Variants in CAPZB observed in about 807,000 individuals in gnomAD.
CAPZB encodes the protein capping actin protein of muscle Z-line subunit beta, also known as F-actin-capping protein subunit beta.
A neutral mutation model predicts 38.1 loss-of-function variants in CAPZB; 2 were observed. That is an observed-to-expected ratio of 0.05 (90% CI 0.02 to 0.17). The LOEUF (loss-of-function observed/expected upper bound fraction) is 0.17, where lower values mean the gene tolerates loss of function less well. Ranked by LOEUF, CAPZB falls within the 10% of genes least tolerant of loss-of-function variation. The pLI is 1.00. For missense variants in CAPZB, 161 were observed against 334.2 expected, an observed-to-expected ratio of 0.48 and a Z score of 4.04; for synonymous variants, 107 against 127.4, an observed-to-expected ratio of 0.84 and a Z score of 1.08.
chr1:19,360,016 C>T lies in CAPZB; in HGVS notation c.330-2453G>A, dbSNP rs1258264789. 4.6e-5 allele frequency among the ~76,000 whole-genome samples: 7 copies of T among 152,316 alleles called. No individual in the cohort carries two copies. In the South Asian group the frequency reaches 1.4e-3, roughly 32 times the overall value. ...CCTCCTGGTCTGGACCGGGCCCACA[C>T]AGAGTTGGAGAGATCAGGCCATTCT... On this transcript the variant is annotated intron_variant, in intron 4 of 8. Coordinates refer to ENST00000264202, the MANE Select transcript of CAPZB (RefSeq NM_004930.5).
At chr1:19,427,843 T>C (rs1024388703) in intron 1 of CAPZB, among the ~76,000 whole-genome samples, 1 of 152,224 alleles carries the variant, frequency 6.6e-6, no homozygotes, top group East Asian at 1.9e-4. Context: ...TCTTCAACCT[T>C]TTGGGGTCTG....
intron 7 of CAPZB, 123 bp from the exon 8 acceptor site, chr1:19,344,557 T>C (rs2093950410): frequency 3.9e-6 from 3 of 768,956 alleles, no homozygotes; most frequent in Admixed American, 3.9e-5. Context: ...ACGCCTGCTC[T>C]GGGGCATCAG....
At chr1:19,467,382 G>C (rs1332112811) in intron 1 of CAPZB, among the ~76,000 whole-genome samples, 1 of 152,160 alleles carries the variant, frequency 6.6e-6, no homozygotes, top group Non-Finnish European at 1.5e-5. Flanking sequence ...GAGAGGAACA[G>C]TCCCCTCCAG....
chr1:19,346,046 G>A (rs906211291), intron 6 of CAPZB, among the ~76,000 whole-genome samples: 1 of 152,092 alleles, frequency 6.6e-6, no homozygotes, highest in Non-Finnish European at 1.5e-5. Flanking sequence ...GAAGGAATTC[G>A]GCACTTTCCC....
intron 1 of CAPZB, among the ~76,000 whole-genome samples, chr1:19,428,160 T>C (rs1261781382): frequency 1.3e-5 from 2 of 152,222 alleles, no homozygotes; most frequent in African/African-American, 4.8e-5. Flanking sequence ...CCCAGCACTT[T>C]GGGAGGTGGA....
At chr1:19,484,187 C>T in intron 1 of CAPZB, 1 of 1,611,504 alleles carries the variant, frequency 6.2e-7, no homozygotes, top group Non-Finnish European at 8.5e-7. Context: ...GCGTTCTGCT[C>T]ACCTGATCCG....
intron 3 of CAPZB, among the ~76,000 whole-genome samples, chr1:19,381,576 G>A (rs4264021): frequency 0.19 from 28,862 of 152,088 alleles, 3,243 homozygotes; most frequent in South Asian, 0.3. Context: ...TGGCGCCCAG[G>A]TGCTGTCCTT....
At chr1:19,405,638 G>C (rs2094327795) in intron 2 of CAPZB, among the ~76,000 whole-genome samples, 2 of 151,584 alleles carry the variant, frequency 1.3e-5, no homozygotes, top group Non-Finnish European at 2.9e-5. Context: ...AACTAGGAGT[G>C]TTGTTTTAGC....
chr1:19,390,886 G>A (rs56405904), intron 2 of CAPZB, among the ~76,000 whole-genome samples: 1,911 of 152,262 alleles, frequency 0.013, 13 homozygotes, highest in Non-Finnish European at 0.022. Context: ...CCTTCCCTAT[G>A]ATCCTGACAA....
intron 2 of CAPZB, among the ~76,000 whole-genome samples, chr1:19,416,615 A>G (rs1361317221): frequency 1.3e-5 from 2 of 152,192 alleles, no homozygotes; most frequent in East Asian, 3.9e-4. Flanking sequence ...AAAGTTAAAA[A>G]CAGAAAAGTA....
intron 1 of CAPZB, among the ~76,000 whole-genome samples, chr1:19,472,695 C>T (rs1005457159): frequency 1.4e-5 from 2 of 145,946 alleles, no homozygotes; most frequent in African/African-American, 5.1e-5. Context: ...GCAACTACTG[C>T]GCTTTCATTC....
intron 1 of CAPZB, chr1:19,484,364 T>C (rs2100833133): frequency 6.5e-7 from 1 of 1,548,916 alleles, no homozygotes; most frequent in African/African-American, 1.4e-5. Context: ...TTCATCCTTG[T>C]CCTGTGGGCC....
chr1:19,364,348 T>G (rs2094071332), intron 4 of CAPZB, among the ~76,000 whole-genome samples: 1 of 152,194 alleles, frequency 6.6e-6, no homozygotes, highest in African/African-American at 2.4e-5. Context: ...AACATCTTAG[T>G]CTCTGTCAAA....
chr1:19,452,488 A>G (rs769394299), intron 1 of CAPZB, among the ~76,000 whole-genome samples: 13 of 152,206 alleles, frequency 8.5e-5, no homozygotes, highest in Non-Finnish European at 1.6e-4. Flanking sequence ...CACCAAAAAG[A>G]GGAGCAGGGT....
intron 3 of CAPZB, 58 bp downstream of exon 3, chr1:19,385,447 C>T: frequency 6.2e-7 from 1 of 1,607,546 alleles, no homozygotes; most frequent in Non-Finnish European, 8.5e-7. Context: ...GCAGCAGGTA[C>T]CTACGGCAGC....
intron 2 of CAPZB, among the ~76,000 whole-genome samples, chr1:19,415,053 C>T (rs906441234): frequency 6.6e-6 from 1 of 152,204 alleles, no homozygotes; most frequent in African/African-American, 2.4e-5. Flanking sequence ...GCCAAGCATC[C>T]CTCACATTTC....
intron 2 of CAPZB, among the ~76,000 whole-genome samples, chr1:19,408,048 A>G (rs1002940379): frequency 2.6e-5 from 4 of 152,180 alleles, no homozygotes; most frequent in African/African-American, 9.6e-5. Flanking sequence ...GACTATCTAC[A>G]AGGCCTCAAT....
chr1:19,474,009 T>C (rs1258796446), intron 1 of CAPZB, among the ~76,000 whole-genome samples: 1 of 152,144 alleles, frequency 6.6e-6, no homozygotes, highest in Admixed American at 6.5e-5. Context: ...TTCTTTTTTT[T>C]TTTTGAGACA....
chr1:19,465,368 A>G (rs1291536280), intron 1 of CAPZB, among the ~76,000 whole-genome samples: 2 of 152,216 alleles, frequency 1.3e-5, no homozygotes, highest in South Asian at 2.1e-4. Context: ...AGCCTTTGCC[A>G]AACACTGAGT....
Sources: gnomAD v4.1 joint callset for allele counts (sites outside exome capture counted in the v4.1 genomes callset) on GRCh38, gnomAD v4.1.1 for gene constraint, MANE v1.5 for transcripts, NCBI Gene and HGNC (gene_info 2026-07-23, HGNC 2026-07-21) for gene names.